Variants in PCDH7 observed in about 807,000 individuals in gnomAD.
PCDH7 encodes the protein protocadherin 7.
PCDH7 carries 17 observed loss-of-function variants against 58.9 expected under a neutral mutation model. The ratio of observed to expected loss-of-function variants is 0.29; its 90% CI spans 0.20 to 0.43. PCDH7 has a LOEUF of 0.43. Ranked by LOEUF, PCDH7 falls within the 20% of genes least tolerant of loss-of-function variation. PCDH7 has a pLI of 1.00. For missense variants in PCDH7, 1,274 were observed against 1,441.0 expected, an observed-to-expected ratio of 0.88 and a Z score of 1.88; for synonymous variants, 664 against 616.4, an observed-to-expected ratio of 1.08 and a Z score of -1.14.
intron 1 of PCDH7, among the ~76,000 whole-genome samples, chr4:30,772,739 T>C (rs1721577171): frequency 6.6e-6 from 1 of 152,236 alleles, no homozygotes; most frequent in African/African-American, 2.4e-5. Context: ...ACACTTACTG[T>C]GTGCCCAAAA....
chr4:30,981,359 A>C (rs1750552143), intron 3 of PCDH7, among the ~76,000 whole-genome samples: 2 of 152,198 alleles, frequency 1.3e-5, no homozygotes. Flanking sequence ...TATTGACAGT[A>C]GATTATTGTT....
intron 1 of PCDH7, among the ~76,000 whole-genome samples, chr4:30,869,929 A>G (rs1735346232): frequency 6.6e-6 from 1 of 152,104 alleles, no homozygotes; most frequent in African/African-American, 2.4e-5. Flanking sequence ...ATTTCTCCAC[A>G]TCCTCTCCAG....
chr4:31,085,258 T>C (rs1712247051), intron 3 of PCDH7, among the ~76,000 whole-genome samples: 1 of 151,964 alleles, frequency 6.6e-6, no homozygotes. Context: ...AGTTTATTGA[T>C]TTGGGTGGGG....
chr4:30,953,464 A>G (rs1169161834), intron 3 of PCDH7, among the ~76,000 whole-genome samples: 3 of 151,986 alleles, frequency 2.0e-5, no homozygotes, highest in African/African-American at 7.2e-5. Context: ...TTGGTGAAAA[A>G]TGGTCTTGCC....
At chr4:30,743,363 G>A (rs1457661583) in intron 1 of PCDH7, among the ~76,000 whole-genome samples, 2 of 151,994 alleles carry the variant, frequency 1.3e-5, no homozygotes, top group African/African-American at 2.4e-5. Context: ...CAGAGCTAGA[G>A]AGGAAAGTCT....
chr4:30,935,173 A>G (rs917990947), intron 2 of PCDH7: 1 of 160,278 alleles, frequency 6.2e-6, no homozygotes, highest in Non-Finnish European at 1.3e-5. Flanking sequence ...ATTCTGAAGT[A>G]TTACTTTACT....
chr4:31,069,059 G>A (rs189352475), intron 3 of PCDH7, among the ~76,000 whole-genome samples: 183 of 152,150 alleles, frequency 1.2e-3, no homozygotes, highest in Non-Finnish European at 2.0e-3. Flanking sequence ...GTGCGTGTGT[G>A]TGTGTATTTA....
intron 3 of PCDH7, among the ~76,000 whole-genome samples, chr4:31,082,862 GAGGCCAA>G (rs1455219754): frequency 6.6e-6 from 1 of 152,160 alleles, no homozygotes; most frequent in East Asian, 1.9e-4. Flanking sequence ...AGCACTTTGG[GAGGCCAA>G]GGGCCAAGGT....
intron 3 of PCDH7, among the ~76,000 whole-genome samples, chr4:31,130,590 T>G (rs1016179795): frequency 9.2e-5 from 14 of 152,146 alleles, no homozygotes; most frequent in African/African-American, 2.9e-4. Context: ...CAATGAAAAT[T>G]TATTTAAATC....
intron 3 of PCDH7, among the ~76,000 whole-genome samples, chr4:31,089,049 A>G (rs1222789694): frequency 6.6e-6 from 1 of 152,000 alleles, no homozygotes; most frequent in Non-Finnish European, 1.5e-5. Flanking sequence ...GCTATCTTCT[A>G]ATTCTGACTC....
Position 30,726,193 on chromosome 4 carries a change from T to G in PCDH7, c.3174+1597T>G, listed in dbSNP as rs547575460. On this transcript the variant is annotated intron_variant, in intron 1 of 1. Transcript: ENST00000361762. Reference sequence around the variant, plus strand: ...ACAAGGAAGATTCTAGCTAAAATGGTAGCACTTTTTACAGATTAAACACTC... The same window carrying G: ...ACAAGGAAGATTCTAGCTAAAATGGGAGCACTTTTTACAGATTAAACACTC... Among the ~76,000 whole-genome samples the G allele has an allele frequency of 3.3e-5, 5 of 152,178 alleles. No individual in the cohort carries two copies. In the East Asian group the frequency reaches 9.6e-4, roughly 29 times the overall value.
At chr4:31,004,017 T>C (rs1166899659) in intron 3 of PCDH7, among the ~76,000 whole-genome samples, 2 of 152,094 alleles carry the variant, frequency 1.3e-5, no homozygotes, top group African/African-American at 4.8e-5. Flanking sequence ...CCCACAATCT[T>C]TTGAGGCCCA....
chr4:31,121,321 A>T (rs551407078), intron 3 of PCDH7, among the ~76,000 whole-genome samples: 10 of 152,222 alleles, frequency 6.6e-5, no homozygotes, highest in Non-Finnish European at 1.2e-4. Context: ...ACAGAAAATC[A>T]TTAGGAAGGA....
chr4:30,765,485 G>A (rs900437459), intron 1 of PCDH7, among the ~76,000 whole-genome samples: 2 of 152,100 alleles, frequency 1.3e-5, no homozygotes, highest in Admixed American at 1.3e-4. Context: ...ATTAGAACCT[G>A]CTGTGCAAAG....
At chr4:30,862,572 A>C (rs925696228) in intron 1 of PCDH7, among the ~76,000 whole-genome samples, 12 of 152,294 alleles carry the variant, frequency 7.9e-5, no homozygotes, top group African/African-American at 2.9e-4. Flanking sequence ...AACATATTCT[A>C]TCCAGTGTTT....
At chr4:30,993,390 G>A (rs893866679) in intron 3 of PCDH7, among the ~76,000 whole-genome samples, 3 of 152,090 alleles carry the variant, frequency 2.0e-5, no homozygotes, top group South Asian at 2.1e-4. Context: ...TGCTCCATAC[G>A]TCTAATGAAA....
At chr4:30,863,625 T>A (rs1052905256) in intron 1 of PCDH7, among the ~76,000 whole-genome samples, 1 of 152,068 alleles carries the variant, frequency 6.6e-6, no homozygotes, top group Admixed American at 6.6e-5. Context: ...TCCATAAATA[T>A]GGAAAGAGGA....
chr4:30,815,453 C>T (rs1727553539), intron 1 of PCDH7, among the ~76,000 whole-genome samples: 1 of 152,134 alleles, frequency 6.6e-6, no homozygotes, highest in African/African-American at 2.4e-5. Context: ...TCCATCCGAC[C>T]CAACCCTTGA....
rs189616388 is a variant in PCDH7, at chr4:30,808,000, T to A, written c.70+83404T>A. On this transcript the variant is annotated intron_variant, in intron 1 of 3. Coordinates refer to the PCDH7 transcript ENST00000509759. ...TGGAGAGTCTACAGTGACATGGGCATCACCTTTTCTTAGCTGGTGTAGGAG... is the reference window on the plus strand; with the variant it reads ...TGGAGAGTCTACAGTGACATGGGCAACACCTTTTCTTAGCTGGTGTAGGAG... 2.6e-3 allele frequency among the ~76,000 whole-genome samples: 391 copies of A among 152,308 alleles called. 2 individuals are homozygous for A. The highest frequency in any genetic ancestry group is 8.7e-3 in the African/African-American group (363 of 41,552).
Sources: allele counts gnomAD v4.1 joint callset (sites outside exome capture counted in the v4.1 genomes callset), GRCh38; gene constraint gnomAD v4.1.1; transcripts MANE v1.5; gene names NCBI Gene and HGNC (gene_info 2026-07-23, HGNC 2026-07-21).